C10orf90: variants seen among roughly 807,000 people sequenced by gnomAD.
C10orf90 encodes (E2-independent) E3 ubiquitin-conjugating enzyme FATS.
Under a neutral mutation model 62.5 loss-of-function variants are expected in C10orf90, and 56 were observed. That is an observed-to-expected ratio of 0.90 (90% CI 0.72 to 1.12). The LOEUF (loss-of-function observed/expected upper bound fraction) is 1.12. C10orf90 is among the 50% of genes most tolerant of loss of function. The pLI is 0.00. For missense variants in C10orf90, 970 were observed against 880.4 expected, an observed-to-expected ratio of 1.10 and a Z score of -1.29; for synonymous variants, 386 against 340.4, an observed-to-expected ratio of 1.13 and a Z score of -1.47.
At chr10:126,538,418 A>G (rs1043840517) in intron 2 of C10orf90, among the ~76,000 whole-genome samples, 1 of 152,224 alleles carries the variant, frequency 6.6e-6, no homozygotes, top group African/African-American at 2.4e-5. Context: ...TAGGAGAGAG[A>G]CATGGAACAG....
intron 3 of C10orf90, among the ~76,000 whole-genome samples, chr10:126,510,895 G>A (rs1050348737): frequency 6.6e-6 from 1 of 152,190 alleles, no homozygotes; most frequent in Non-Finnish European, 1.5e-5. Context: ...CTGGAGAGGC[G>A]ATGCCTCCAT....
chr10:126,554,668 C>A (rs1255049754), intron 2 of C10orf90, among the ~76,000 whole-genome samples: 1 of 152,212 alleles, frequency 6.6e-6, no homozygotes, highest in Non-Finnish European at 1.5e-5. Flanking sequence ...ACTCCATTCC[C>A]TGCTACCAAC....
chr10:126,536,491 T>C (rs192995256), intron 2 of C10orf90, among the ~76,000 whole-genome samples: 39 of 152,230 alleles, frequency 2.6e-4, no homozygotes, highest in Middle Eastern at 3.4e-3. Context: ...AAGATCCCCA[T>C]TTTAAAGAAA....
At chr10:126,540,249 G>C (rs1402582195) in intron 2 of C10orf90, among the ~76,000 whole-genome samples, 2 of 152,192 alleles carry the variant, frequency 1.3e-5, no homozygotes, top group African/African-American at 4.8e-5. Context: ...CATCTTTCTA[G>C]ATGAAAAAGT....
chr10:126,448,599 C>T lies in C10orf90; in HGVS notation c.2188+10441G>A, dbSNP rs558233264. Among the ~76,000 whole-genome samples, 3 of 152,176 alleles carry T rather than the reference C, an allele frequency of 2.0e-5. No homozygotes were observed. The South Asian group carries it at 6.2e-4, about 32-fold the overall frequency. On this transcript the variant is annotated intron_variant, in intron 7 of 9. Coordinates refer to ENST00000488181, the MANE Select transcript of C10orf90 (RefSeq NM_001350921.2). ...CAAGTAATAGAAAAGATCAACACAACTGAAAATTGTTTTTTTGAAAAGATA... is the reference window on the plus strand; with the variant it reads ...CAAGTAATAGAAAAGATCAACACAATTGAAAATTGTTTTTTTGAAAAGATA...
chr10:126,660,712 T>A (rs962570335), intron 1 of C10orf90, among the ~76,000 whole-genome samples: 4 of 152,268 alleles, frequency 2.6e-5, no homozygotes, highest in Admixed American at 2.6e-4. Flanking sequence ...AGCTGCTATG[T>A]ATGTAATAAT....
chr10:126,568,620 C>T (rs58583125), intron 2 of C10orf90, among the ~76,000 whole-genome samples: 2,342 of 152,286 alleles, frequency 0.015, 50 homozygotes, highest in African/African-American at 0.051. Flanking sequence ...ATCACATATT[C>T]GTGGGTTCTA....
chr10:126,601,529 T>A (rs1463753187), intron 2 of C10orf90, among the ~76,000 whole-genome samples: 2 of 152,256 alleles, frequency 1.3e-5, no homozygotes, highest in East Asian at 3.8e-4. Context: ...CCCCAAAGCA[T>A]CTTATATGAA....
intron 2 of C10orf90, among the ~76,000 whole-genome samples, chr10:126,534,950 C>T (rs1408144251): frequency 2.0e-5 from 3 of 152,212 alleles, no homozygotes; most frequent in East Asian, 1.9e-4. Flanking sequence ...TCCCACCTCA[C>T]TCCTTCAGGA....
chr10:126,666,842 T>C (rs919805561), intron 1 of C10orf90, among the ~76,000 whole-genome samples: 1 of 151,460 alleles, frequency 6.6e-6, no homozygotes, highest in Non-Finnish European at 1.5e-5. Flanking sequence ...TAGCCGGGCA[T>C]GGTGGCGGGT....
At chr10:126,668,986 G>T (rs1296142741) in intron 1 of C10orf90, among the ~76,000 whole-genome samples, 1 of 148,784 alleles carries the variant, frequency 6.7e-6, no homozygotes, top group Non-Finnish European at 1.5e-5. Flanking sequence ...GCTACATAGG[G>T]TTTAAAATGA....
At chr10:126,534,934 G>A (rs59517073) in intron 2 of C10orf90, among the ~76,000 whole-genome samples, 2,604 of 152,222 alleles carry the variant, frequency 0.017, 77 homozygotes, top group African/African-American at 0.059. Context: ...GCAGCAGTGG[G>A]CCACTTCCCA....
At chr10:126,526,032 A>ACACACG in intron 2 of C10orf90, among the ~76,000 whole-genome samples, 1 of 150,186 alleles carries the variant, frequency 6.7e-6, no homozygotes, top group South Asian at 2.1e-4. Flanking sequence ...CAACACACAC[A>ACACACG]CACACACACA....
intron 2 of C10orf90, among the ~76,000 whole-genome samples, chr10:126,621,295 T>C (rs753217894): frequency 4.6e-5 from 7 of 152,256 alleles, no homozygotes; most frequent in Non-Finnish European, 7.3e-5. Context: ...TTTCTCAATG[T>C]GTTTCCTAGT....
chr10:126,512,345 TGTG>T (rs1295999212), intron 3 of C10orf90, among the ~76,000 whole-genome samples: 4 of 42,202 alleles, frequency 9.5e-5, no homozygotes, highest in African/African-American at 3.7e-4. Context: ...TGTATGTGTG[TGTG>T]TCTGTGTGTG....
At chr10:126,619,857 A>T (rs1372932664) in intron 2 of C10orf90, among the ~76,000 whole-genome samples, 1 of 151,984 alleles carries the variant, frequency 6.6e-6, no homozygotes, top group Admixed American at 6.6e-5. Context: ...CCCAAGCTGG[A>T]CTCGAGCTCC....
At chr10:126,478,555 G>A (rs914695486) in intron 4 of C10orf90, among the ~76,000 whole-genome samples, 5 of 152,220 alleles carry the variant, frequency 3.3e-5, no homozygotes, top group Admixed American at 2.0e-4. Context: ...CAGAAAGGCA[G>A]GAAGCCCGTT....
At chr10:126,489,610 T>C (rs1469119125) in intron 4 of C10orf90, among the ~76,000 whole-genome samples, 1 of 152,070 alleles carries the variant, frequency 6.6e-6, no homozygotes, top group Non-Finnish European at 1.5e-5. Context: ...TTAGAACCCT[T>C]GTGCATTGCT....
At chr10:126,601,110 C>G (rs757146185) in intron 2 of C10orf90, among the ~76,000 whole-genome samples, 3 of 152,166 alleles carry the variant, frequency 2.0e-5, no homozygotes, top group Non-Finnish European at 2.9e-5. Context: ...AAGAAAAATA[C>G]TGCTTATCTC....
Sources: gnomAD v4.1 joint callset for allele counts (sites outside exome capture counted in the v4.1 genomes callset) on GRCh38, gnomAD v4.1.1 for gene constraint, MANE v1.5 for transcripts, NCBI Gene and HGNC (gene_info 2026-07-23, HGNC 2026-07-21) for gene names.